Variants in NSUN6 observed in about 807,000 individuals in gnomAD.
The protein encoded by NSUN6 is tRNA (cytosine(72)-C(5))-methyltransferase NSUN6.
NSUN6 carries 64 observed loss-of-function variants against 58.0 expected under a neutral mutation model. The ratio of observed to expected loss-of-function variants is 1.10; its 90% CI spans 0.90 to 1.36. The LOEUF is 1.36. Ranked by LOEUF, NSUN6 falls within the 40% of genes most tolerant of loss-of-function variation. The pLI, the probability that NSUN6 is intolerant of heterozygous loss-of-function variation, is 0.00. For missense variants in NSUN6, 701 were observed against 550.1 expected, an observed-to-expected ratio of 1.27 and a Z score of -2.74; for synonymous variants, 231 against 193.9, an observed-to-expected ratio of 1.19 and a Z score of -1.59.
intron 6 of NSUN6, among the ~76,000 whole-genome samples, chr10:18,606,910 G>A (rs2058067829): frequency 6.6e-6 from 1 of 152,148 alleles, no homozygotes; most frequent in Admixed American, 6.5e-5. Flanking sequence ...CCCTGTGTTG[G>A]CTGAGACCTA....
In NSUN6 at chr10:18,615,040, G is replaced by A. The variant is rs1412055046; in HGVS notation, c.422-427C>T. On this transcript the variant is annotated intron_variant, in intron 4 of 10. Transcript: ENST00000377304. Reference sequence around the variant, plus strand: ...ATTTCTAAATCCCATAACCCTGTTTGTATTTGCTATTTTGATATGACAGCA... The same window carrying A: ...ATTTCTAAATCCCATAACCCTGTTTATATTTGCTATTTTGATATGACAGCA... Among the ~76,000 whole-genome samples, 3 of 151,426 alleles carry A rather than the reference G, an allele frequency of 2.0e-5. No individual in the cohort carries two copies. The East Asian group carries it at 5.8e-4, about 29-fold the overall frequency.
rs572908290 is a variant in NSUN6 at position 18,556,525 on chromosome 10, T to C, written c.923-4554A>G. On this transcript the variant is annotated intron_variant, in intron 8 of 10. Coordinates refer to ENST00000377304, the MANE Select transcript of NSUN6 (RefSeq NM_182543.5). The stretch of plus-strand genomic sequence containing the variant: ...GAATGGAATGGAACGGAGAATGGAA[T>C]GGAATGCAGTGGTGAATAGAATGAA... Among the ~76,000 whole-genome samples, 26 of 148,720 alleles carry C rather than the reference T, an allele frequency of 1.7e-4. No homozygotes were observed. In the South Asian group the frequency reaches 5.3e-3, roughly 30 times the overall value.
chr10:18,640,616 C>A (rs2059362334), intron 3 of NSUN6, among the ~76,000 whole-genome samples: 1 of 152,070 alleles, frequency 6.6e-6, no homozygotes, highest in African/African-American at 2.4e-5. Flanking sequence ...GGTAGGGTAG[C>A]TGAGTACAAG....
chr10:18,558,509 G>T (rs939340723), intron 8 of NSUN6, among the ~76,000 whole-genome samples: 1 of 148,134 alleles, frequency 6.8e-6, no homozygotes, highest in Non-Finnish European at 1.5e-5. Context: ...AATGGAGAAA[G>T]GAATAGAATA....
intron 3 of NSUN6, among the ~76,000 whole-genome samples, chr10:18,626,597 G>C (rs1402448993): frequency 6.6e-6 from 1 of 152,110 alleles, no homozygotes; most frequent in African/African-American, 2.4e-5. Context: ...GTGAAACCCT[G>C]TCTCTACTAA....
intron 7 of NSUN6, among the ~76,000 whole-genome samples, chr10:18,595,850 A>C (rs2057564542): frequency 6.6e-6 from 1 of 152,170 alleles, no homozygotes; most frequent in Non-Finnish European, 1.5e-5. Context: ...TACATATTTC[A>C]CACTTTGATA....
At chr10:18,634,992 A>G (rs1006534448) in intron 3 of NSUN6, among the ~76,000 whole-genome samples, 1 of 152,218 alleles carries the variant, frequency 6.6e-6, no homozygotes, top group African/African-American at 2.4e-5. Context: ...ATGATAAATA[A>G]GAGTGGCTCA....
intron 8 of NSUN6, among the ~76,000 whole-genome samples, chr10:18,573,777 G>A (rs537517748): frequency 7.9e-4 from 120 of 152,228 alleles, no homozygotes; most frequent in Non-Finnish European, 1.6e-3. Context: ...CACTTAGTAG[G>A]TGCAGGCAAG....
At chr10:18,641,157 T>C (rs1018896519) in intron 3 of NSUN6, among the ~76,000 whole-genome samples, 17 of 152,126 alleles carry the variant, frequency 1.1e-4, no homozygotes, top group Admixed American at 4.6e-4. Flanking sequence ...TACTATCCCA[T>C]TGCATGGACA....
At chr10:18,650,987 T>C (rs1176485531) in intron 1 of NSUN6, 142 bp downstream of exon 1, 4 of 879,032 alleles carry the variant, frequency 4.6e-6, no homozygotes, top group Admixed American at 3.3e-5. Context: ...TGTAGAAACA[T>C]ATTGGTATTT....
At chr10:18,581,570 T>C (rs1334474629) in intron 8 of NSUN6, among the ~76,000 whole-genome samples, 1 of 152,214 alleles carries the variant, frequency 6.6e-6, no homozygotes, top group Non-Finnish European at 1.5e-5. Context: ...CTCATGCCTG[T>C]AATTCCAGCA....
chr10:18,648,530 A>C lies in NSUN6; in HGVS notation c.191T>G (p.Val64Gly). The C allele has an allele frequency of 6.2e-7, 1 of 1,609,036 alleles. No individual in the cohort carries two copies. Among genetic ancestry groups the C allele is most frequent in the Non-Finnish European group, 8.5e-7 (1 of 1,175,762 alleles). ...AAGTAACAGATTTTTCACATGTTGTACTGAGGCTAAATGTGTATTCACTCT... is the reference window on the plus strand; with the variant it reads ...AAGTAACAGATTTTTCACATGTTGTCCTGAGGCTAAATGTGTATTCACTCT... ...TVRVNTHLAS[V>G]QHVKNLLLDE... Residue 64 changes from valine to glycine, a missense_variant, in exon 2 of 11, where the codon GTA becomes GGA. Physicochemically the swap from Val to Gly is moderately radical, Grantham distance 109 (BLOSUM62 -3). Transcript: ENST00000377304.
Position 18,557,924 on chromosome 10 carries a change from G to A in NSUN6, c.923-5953C>T, listed in dbSNP as rs146492345. ...AATGGAATGGAGAATGGTGTGGAAT[G>A]GAAGGGAAAATGGAGAATGGAAGGT... is the stretch of plus-strand genomic sequence containing the variant. On this transcript the variant is annotated intron_variant, in intron 8 of 10. Transcript: ENST00000377304. 3.8e-3 allele frequency among the ~76,000 whole-genome samples: 579 copies of A among 151,390 alleles called. 5 individuals are homozygous for A. The highest frequency in any genetic ancestry group is 0.013 in the African/African-American group (528 of 41,374).
At chr10:18,616,607 C>A (rs1230731360) in intron 3 of NSUN6, among the ~76,000 whole-genome samples, 1 of 152,152 alleles carries the variant, frequency 6.6e-6, no homozygotes, top group African/African-American at 2.4e-5. Context: ...CTTTCTCTGT[C>A]TTCAAAGACT....
rs1589846746 is a variant in NSUN6, at chr10:18,558,695, GCGGAAGGA to G, written c.923-6732_923-6725del. On this transcript the variant is annotated intron_variant, in intron 8 of 10. Transcript: ENST00000377304. ...AAATGGAAAAGAATGGAATGGAATG[GCGGAAGGA>G]ATGGAATTGAAAGTGGAATGAAATG... Among the ~76,000 whole-genome samples, 9 of 146,838 alleles carry G rather than the reference GCGGAAGGA, an allele frequency of 6.1e-5. No individual in the cohort carries two copies. The East Asian group carries it at 1.1e-3, about 18-fold the overall frequency.
intron 8 of NSUN6, among the ~76,000 whole-genome samples, chr10:18,581,485 T>C (rs975087209): frequency 6.6e-6 from 1 of 152,086 alleles, no homozygotes; most frequent in African/African-American, 2.4e-5. Flanking sequence ...ATGGGAGGTA[T>C]GAATACTCTA....
At chr10:18,597,943 T>G (rs1411797143) in intron 6 of NSUN6, among the ~76,000 whole-genome samples, 1 of 152,124 alleles carries the variant, frequency 6.6e-6, no homozygotes, top group African/African-American at 2.4e-5. Flanking sequence ...ATGCAAACAA[T>G]TTAGGCACCC....
rs796486611 is a variant in NSUN6 at position 18,649,575 on chromosome 10, C to T, written c.76-930G>A. Among the ~76,000 whole-genome samples the T allele has an allele frequency of 4.0e-5, 6 of 150,172 alleles. No individual in the cohort carries two copies. In the East Asian group the frequency reaches 9.7e-4, roughly 24 times the overall value. The stretch of plus-strand genomic sequence containing the variant: ...TCCCAGAGGTCGAAGCAGCAGTGAG[C>T]TGTGATCATGTCACTGCACTCCAAC... On this transcript the variant is annotated intron_variant, in intron 1 of 10. Coordinates refer to ENST00000377304, the MANE Select transcript of NSUN6 (RefSeq NM_182543.5).
At chr10:18,575,239 T>C (rs770586205) in intron 8 of NSUN6, among the ~76,000 whole-genome samples, 1 of 152,212 alleles carries the variant, frequency 6.6e-6, no homozygotes, top group African/African-American at 2.4e-5. Flanking sequence ...AGGTTATAAA[T>C]AGTTGCTTAG....
Sources: gnomAD v4.1 joint callset for allele counts (sites outside exome capture counted in the v4.1 genomes callset) on GRCh38, gnomAD v4.1.1 for gene constraint, MANE v1.5 for transcripts, NCBI Gene and HGNC (gene_info 2026-07-23, HGNC 2026-07-21) for gene names.